GLG1: variants seen among roughly 807,000 people sequenced by gnomAD.
GLG1 encodes golgi glycoprotein 1, also known as Golgi apparatus protein 1.
A neutral mutation model predicts 160.5 loss-of-function variants in GLG1; 38 were observed. The ratio of observed to expected loss-of-function variants is 0.24; its 90% CI spans 0.18 to 0.31. The LOEUF is 0.31. GLG1 is among the 10% of genes least tolerant of loss of function. GLG1 has a pLI of 1.00. For synonymous variants in GLG1, 644 were observed against 543.4 expected (o/e 1.19, Z -2.57); for missense variants, 1,373 against 1,505.2 (o/e 0.91, Z 1.45).
intron 2 of GLG1, among the ~76,000 whole-genome samples, chr16:74,509,588 G>A (rs924754112): frequency 7.9e-5 from 12 of 151,780 alleles, no homozygotes; most frequent in African/African-American, 1.2e-4. Context: ...GGTGGCTGAC[G>A]CCTGTAATCC....
chr16:74,512,160 CTTT>C (rs71848568), intron 2 of GLG1, among the ~76,000 whole-genome samples: 9 of 135,850 alleles, frequency 6.6e-5, no homozygotes, highest in Admixed American at 2.4e-4. Context: ...TCTTTTATTT[CTTT>C]TTTTTTTTTT....
chr16:74,462,882 T>C, intron 20 of GLG1: 2 of 501,184 alleles, frequency 4.0e-6, no homozygotes, highest in South Asian at 5.0e-5. Context: ...TCCAATACTC[T>C]AAGGAGTCCT....
At chr16:74,503,469 C>T (rs1033845241) in intron 4 of GLG1, 62 bp downstream of exon 4, 2 of 1,143,820 alleles carry the variant, frequency 1.7e-6, no homozygotes, top group African/African-American at 1.5e-5. Flanking sequence ...GTCAGTTATA[C>T]AAAGCTTTTC....
chr16:74,571,662 A>G (rs1388806764), intron 1 of GLG1, among the ~76,000 whole-genome samples: 1 of 146,930 alleles, frequency 6.8e-6, no homozygotes. Context: ...TCAAAAAGGA[A>G]AAAAAAAAAA....
chr16:74,537,773 T>C (rs1040658770), intron 1 of GLG1, among the ~76,000 whole-genome samples: 1 of 141,644 alleles, frequency 7.1e-6, no homozygotes, highest in Non-Finnish European at 1.5e-5. Flanking sequence ...TATATTATGA[T>C]GGTTACTACT....
At chr16:74,569,553 T>C (rs2018761801) in intron 1 of GLG1, among the ~76,000 whole-genome samples, 2 of 152,120 alleles carry the variant, frequency 1.3e-5, no homozygotes, top group Non-Finnish European at 2.9e-5. Context: ...TTCTCATATT[T>C]GCACTTGTAT....
chr16:74,480,508 G>T lies in GLG1; in HGVS notation c.1674-114C>A, dbSNP rs1172056178. The stretch of plus-strand genomic sequence containing the variant: ...TATACTCATTGATAATCACTTCCAG[G>T]GGCGTGGAGACAGAAGATATGTAAA... On this transcript the variant is annotated intron_variant, in intron 10 of 25. Coordinates refer to ENST00000422840, the MANE Select transcript of GLG1 (RefSeq NM_001145667.2). 9 of 661,782 alleles carry T rather than the reference G, an allele frequency of 1.4e-5. No homozygotes were observed. The East Asian group carries it at 2.5e-4, about 18-fold the overall frequency. 41.0% of individuals were successfully genotyped at this position (661,782 alleles called of 1,614,324 possible).
At chr16:74,519,606 A>G (rs1357218848) in intron 2 of GLG1, among the ~76,000 whole-genome samples, 1 of 151,300 alleles carries the variant, frequency 6.6e-6, no homozygotes, top group Non-Finnish European at 1.5e-5. Context: ...CGTTTAATCT[A>G]CTTCCTCTTT....
At chr16:74,549,281 G>C (rs2018134107) in intron 1 of GLG1, among the ~76,000 whole-genome samples, 1 of 152,074 alleles carries the variant, frequency 6.6e-6, no homozygotes, top group Admixed American at 6.6e-5. Flanking sequence ...TTCCTTGCAG[G>C]TGGAATTTTG....
chr16:74,559,359 G>A (rs562287970), intron 1 of GLG1, among the ~76,000 whole-genome samples: 2 of 151,286 alleles, frequency 1.3e-5, no homozygotes, highest in African/African-American at 2.4e-5. Context: ...CAGGAGGATC[G>A]TTTGAGCCCA....
chr16:74,595,987 G>T (rs1239851693), intron 1 of GLG1, among the ~76,000 whole-genome samples: 1 of 151,980 alleles, frequency 6.6e-6, no homozygotes, highest in African/African-American at 2.4e-5. Context: ...GCCAGCCATG[G>T]TGCCACATGC....
rs2014873522 is a variant in GLG1, at chr16:74,463,319, A to AC, written c.2791+36dup. ...ACAGCCACTGAATTCCTTTTCAGAT[A>AC]CTCCACGGGGCCAGGAGAGCCAAGC... On this transcript the variant is annotated intron_variant, in intron 20 of 25. Transcript: ENST00000422840. 1.9e-6 allele frequency: 3 copies of AC among 1,607,196 alleles called. No individual in the cohort carries two copies. The South Asian group carries it at 3.3e-5, about 18-fold the overall frequency.
chr16:74,506,560 T>A (rs1215240833), intron 3 of GLG1, among the ~76,000 whole-genome samples: 1 of 99,214 alleles, frequency 1.0e-5, no homozygotes, highest in Non-Finnish European at 1.8e-5. Context: ...CCAGCCTGGG[T>A]TACAGAGCAA....
intron 7 of GLG1, among the ~76,000 whole-genome samples, chr16:74,491,696 C>T (rs35817771): frequency 0.034 from 4,967 of 147,578 alleles, 117 homozygotes; most frequent in African/African-American, 0.058. Context: ...TGGAGTGCAG[C>T]GCGCGATCTC....
chr16:74,590,976 T>C (rs528221372), intron 1 of GLG1, among the ~76,000 whole-genome samples: 1 of 151,282 alleles, frequency 6.6e-6, no homozygotes, highest in African/African-American at 2.4e-5. Context: ...AATATAAAAA[T>C]ATGAAAATGA....
chr16:74,496,111 T>TA (rs1366700028), intron 5 of GLG1, among the ~76,000 whole-genome samples: 2 of 152,032 alleles, frequency 1.3e-5, no homozygotes, highest in Non-Finnish European at 2.9e-5. Flanking sequence ...AAAAAATTTT[T>TA]AAAAAAATTG....
intron 1 of GLG1, chr16:74,552,423 A>T (rs1467792556): frequency 2.3e-5 from 13 of 553,276 alleles, no homozygotes; most frequent in Non-Finnish European, 3.9e-5. Flanking sequence ...TCTTAAGGCT[A>T]CATGAAGGAA....
Position 74,471,261 on chromosome 16 carries a change from G to A in GLG1, c.2141C>T (p.Ser714Phe). Residue 714 changes from serine to phenylalanine, a missense_variant, in exon 15 of 26, where the codon TCT (serine) becomes TTT (phenylalanine). Around this residue, in one of 4 missense-constraint regions of GLG1, gnomAD observed 491 missense variants for 632.1 expected, o/e 0.78. Transcript: ENST00000422840. Reference protein sequence around the residue: ...CHDVADNQIDSGDLMECLIQN... With the variant: ...CHDVADNQIDFGDLMECLIQN... ...TATCAGACACTCCATCAGGTCCCCA[G>A]AGTCTATCTGGTTATCTGCCACATC... 3 of 1,604,512 alleles carry A rather than the reference G, an allele frequency of 1.9e-6. No individual in the cohort carries two copies. The highest frequency in any genetic ancestry group is 3.3e-4 in the Middle Eastern group (2 of 6,042).
At chr16:74,543,842 GCCAGTGATCA>G (rs1330656489) in intron 1 of GLG1, among the ~76,000 whole-genome samples, 1 of 152,022 alleles carries the variant, frequency 6.6e-6, no homozygotes, top group Non-Finnish European at 1.5e-5. Flanking sequence ...CTCCACCTGA[GCCAGTGATCA>G]CCACACGACC....
Sources: gnomAD v4.1 joint callset for allele counts (sites outside exome capture counted in the v4.1 genomes callset) on GRCh38, gnomAD v4.1.1 for gene constraint, gnomAD v4.1.1 regional missense constraint, MANE v1.5 for transcripts, NCBI Gene and HGNC (gene_info 2026-07-23, HGNC 2026-07-21) for gene names.